Variants in HUNK observed in about 807,000 individuals in gnomAD.
HUNK encodes hormonally up-regulated Neu-associated kinase, also known as hormonally up-regulated neu tumor-associated kinase.
In HUNK, 21 loss-of-function variants were observed where a neutral mutation model predicts 61.0. That is an observed-to-expected ratio of 0.34 (90% confidence interval 0.24 to 0.50). The LOEUF is 0.50. HUNK is among the 20% of genes least tolerant of loss of function. The pLI, the probability that HUNK is intolerant of heterozygous loss-of-function variation, is 0.98. For synonymous variants in HUNK, 371 were observed against 386.1 expected, an observed-to-expected ratio of 0.96 and a Z score of 0.46; for missense variants, 772 against 945.7, an observed-to-expected ratio of 0.82 and a Z score of 2.41.
At chr21:31,951,807 T>C (rs546970333) in intron 4 of HUNK, among the ~76,000 whole-genome samples, 38 of 152,334 alleles carry the variant, frequency 2.5e-4, no homozygotes, top group Non-Finnish European at 4.6e-4. Context: ...CTCAGTGTTT[T>C]GTAAAAGTAC....
intron 5 of HUNK, among the ~76,000 whole-genome samples, chr21:31,966,597 T>G (rs1638687124): frequency 6.6e-6 from 1 of 152,204 alleles, no homozygotes; most frequent in African/African-American, 2.4e-5. Context: ...GCATCACAAC[T>G]GGCCCCTTTT....
At chr21:31,901,430 G>A (rs1241284832) in intron 1 of HUNK, among the ~76,000 whole-genome samples, 1 of 152,124 alleles carries the variant, frequency 6.6e-6, no homozygotes, top group Non-Finnish European at 1.5e-5. Flanking sequence ...TTAATGCATT[G>A]CCAGGAGTTC....
chr21:31,979,512 A>AT (rs1568940203), intron 7 of HUNK, among the ~76,000 whole-genome samples: 5 of 99,506 alleles, frequency 5.0e-5, no homozygotes, highest in Non-Finnish European at 5.9e-5. Context: ...AGTTGTTTGC[A>AT]TTCTTTTTTT....
At position 31,886,200 on chromosome 21, in the gene HUNK, T is replaced by C. The variant is rs182332956; in HGVS notation, c.261+12265T>C. ...TCTTTGGGAAGCTGAGGCAGGCAGA[T>C]CACCTGAGGTCAGGAGTTTGAGACC... On this transcript the variant is annotated intron_variant, in intron 1 of 10. Coordinates refer to ENST00000270112, the MANE Select transcript of HUNK (RefSeq NM_014586.2). Among the ~76,000 whole-genome samples the C allele has an allele frequency of 2.1e-3, 326 of 152,242 alleles. 7 individuals carry two copies. The highest frequency in any genetic ancestry group is 1.1e-3 in the Non-Finnish European group (73 of 68,014).
At position 31,939,770 on chromosome 21, in the gene HUNK, T is replaced by G. The variant is rs185222951; in HGVS notation, c.555-395T>G. Among the ~76,000 whole-genome samples the G allele has an allele frequency of 2.3e-3, 345 of 151,152 alleles. 2 individuals are homozygous for G. Among genetic ancestry groups the G allele is most frequent in the African/African-American group, 7.9e-3 (324 of 41,162 alleles). ...TCCCCAAATCTGATGTTGCTCATAGTGTCACCAACCCAGGGCCACATTCAT... is the reference window on the plus strand; with the variant it reads ...TCCCCAAATCTGATGTTGCTCATAGGGTCACCAACCCAGGGCCACATTCAT... On this transcript the variant is annotated intron_variant, in intron 2 of 10. Transcript: ENST00000270112.
intron 1 of HUNK, among the ~76,000 whole-genome samples, chr21:31,882,068 C>T (rs1235400915): frequency 1.3e-5 from 2 of 152,076 alleles, no homozygotes; most frequent in African/African-American, 2.4e-5. Context: ...AAGAGACCCC[C>T]CCTCCCCCAT....
chr21:31,960,705 T>C (rs182734474), intron 5 of HUNK, among the ~76,000 whole-genome samples: 89 of 152,200 alleles, frequency 5.8e-4, no homozygotes, highest in African/African-American at 2.0e-3. Flanking sequence ...AACCATCAGA[T>C]CTCGTGAGAC....
At chr21:31,939,956 T>C (rs1432044911) in intron 2 of HUNK, among the ~76,000 whole-genome samples, 1 of 152,150 alleles carries the variant, frequency 6.6e-6, no homozygotes, top group Non-Finnish European at 1.5e-5. Context: ...CTGTCATGTC[T>C]GAAATTCTTC....
Position 31,924,958 on chromosome 21 carries a change from G to A in HUNK, c.554+198G>A, listed in dbSNP as rs149270579. On this transcript the variant is annotated intron_variant, in intron 2 of 10. Coordinates refer to ENST00000270112, the MANE Select transcript of HUNK (RefSeq NM_014586.2). This position sits in a 1 kb window ranked among gnomAD's most constrained non-coding sequence, Gnocchi z 5.1. ...GTTGCCCAGGCTGGAGTGCAATGGC[G>A]CAGTCATGGCTCACTGCAACCTCCG... is the stretch of plus-strand genomic sequence containing the variant. 4.6e-5 allele frequency among the ~76,000 whole-genome samples: 7 copies of A among 152,210 alleles called. No individual in the cohort carries two copies. Among genetic ancestry groups the A allele is most frequent in the South Asian group, 4.1e-4 (2 of 4,824 alleles).
intron 1 of HUNK, among the ~76,000 whole-genome samples, chr21:31,904,366 G>GA (rs1444009232): frequency 1.3e-5 from 2 of 152,218 alleles, no homozygotes. Context: ...AAGCAGCTGA[G>GA]AAAATGAAAA....
rs576790841 is a variant in HUNK at position 31,915,048 on chromosome 21, T to A, written c.262-9420T>A. Among the ~76,000 whole-genome samples, 326 of 56,342 alleles carry A rather than the reference T, an allele frequency of 5.8e-3. 2 individuals carry two copies. Among genetic ancestry groups the A allele is most frequent in the African/African-American group, 0.021 (316 of 14,830 alleles). The allele number at this position is 56,342 out of a possible 152,430, so 37.0% of individuals were successfully genotyped here. On this transcript the variant is annotated intron_variant, in intron 1 of 10. Transcript: ENST00000270112. ...TGCTTGGGACCAGAAGTGTTTTAGA[T>A]TTGGGATTTTTTTTTTTTTTTTTAT...
chr21:31,942,417 C>A (rs1483053977), intron 3 of HUNK, among the ~76,000 whole-genome samples: 3 of 152,132 alleles, frequency 2.0e-5, no homozygotes, highest in Non-Finnish European at 4.4e-5. Flanking sequence ...ATGCACAGAC[C>A]TTTTTATTGG....
At chr21:31,921,186 G>T (rs951122009) in intron 1 of HUNK, among the ~76,000 whole-genome samples, 3 of 145,834 alleles carry the variant, frequency 2.1e-5, no homozygotes, top group African/African-American at 7.6e-5. Flanking sequence ...AAAAAAAGAA[G>T]GAGACACTGC....
In HUNK at chr21:31,998,553, G is replaced by C; in HGVS notation, c.1514G>C (p.Arg505Pro). ...TCCTTTGGCTGCCGCAATATTTTCCGCAAAACCTCAGATTCCAATTGTGTG... is the reference window on the plus strand; with the variant it reads ...TCCTTTGGCTGCCGCAATATTTTCCCCAAAACCTCAGATTCCAATTGTGTG... ...KDSFGCRNIFRKTSDSNCVAS... is the reference protein window; with the variant it reads ...KDSFGCRNIFPKTSDSNCVAS... Residue 505 changes from arginine (R) to proline (P), a missense_variant, in exon 11 of 11, where the codon CGC becomes CCC. By Grantham distance (103) the Arg-to-Pro change is moderately radical. This residue lies in a region of HUNK where 413 missense variants were observed against 444.4 expected (regional missense o/e 0.93). Coordinates refer to ENST00000270112, the MANE Select transcript of HUNK (RefSeq NM_014586.2). The C allele has an allele frequency of 6.3e-7, 1 of 1,596,824 alleles. No individual in the cohort carries two copies. Among genetic ancestry groups the C allele is most frequent in the Non-Finnish European group, 8.5e-7 (1 of 1,173,380 alleles).
At chr21:31,886,615 T>C (rs1324094436) in intron 1 of HUNK, among the ~76,000 whole-genome samples, 1 of 152,080 alleles carries the variant, frequency 6.6e-6, no homozygotes, top group Non-Finnish European at 1.5e-5. Context: ...CACTGCTCTA[T>C]TCCCCGTGCC....
rs764020510 is a variant in HUNK at position 31,990,191 on chromosome 21, G to A, written c.1305+15G>A. On this transcript the variant is annotated intron_variant, in intron 9 of 10. Transcript: ENST00000270112. ...ATGCCGTGCAGGTAAGAACTTGGGG[G>A]ATTATTATGTTAGTCAGGGTTCTCC... The A allele has an allele frequency of 5.6e-6, 9 of 1,610,938 alleles. No individual in the cohort carries two copies. The highest frequency in any genetic ancestry group is 7.6e-6 in the Non-Finnish European group (9 of 1,177,514).
chr21:31,967,632 C>T (rs905253603), intron 5 of HUNK, among the ~76,000 whole-genome samples: 1 of 151,902 alleles, frequency 6.6e-6, no homozygotes, highest in African/African-American at 2.4e-5. Context: ...GAGGCTGAGG[C>T]GGGGAGGTGG....
chr21:31,972,620 AC>A (rs1429715279), intron 6 of HUNK, among the ~76,000 whole-genome samples: 4 of 152,164 alleles, frequency 2.6e-5, no homozygotes, highest in Non-Finnish European at 4.4e-5. Context: ...GTATTTCCAA[AC>A]CACTGTTCCC....
Position 31,990,114 on chromosome 21 carries a change from T to C in HUNK, c.1258-15T>C. ...TGCAGATTCTCGAATTGTTGAAGGA[T>C]GTTCCTTTTCACAGGCCTCTCTGGA... On this transcript the variant is annotated splice_polypyrimidine_tract_variant and intron_variant, in intron 8 of 10. Transcript: ENST00000270112. 6 of 1,613,086 alleles carry C rather than the reference T, an allele frequency of 3.7e-6. No homozygotes were observed. The East Asian group carries it at 1.3e-4, about 36-fold the overall frequency.
Sources: allele counts gnomAD v4.1 joint callset (sites outside exome capture counted in the v4.1 genomes callset), GRCh38; gene constraint gnomAD v4.1.1; regional missense constraint gnomAD v4.1.1; non-coding constraint Gnocchi (gnomAD v3.1); transcripts MANE v1.5; gene names NCBI Gene and HGNC (gene_info 2026-07-23, HGNC 2026-07-21).